Variants in ARHGAP15 observed in about 807,000 individuals in gnomAD.
ARHGAP15 encodes the protein Rho GTPase activating protein 15.
In ARHGAP15, 51 loss-of-function variants were observed where a neutral mutation model predicts 63.7. The observed-to-expected ratio is 0.80, with a 90% CI of 0.64 to 1.01. The LOEUF (loss-of-function observed/expected upper bound fraction) is 1.01. Ranked by LOEUF, ARHGAP15 falls within the 50% of genes least tolerant of loss-of-function variation. ARHGAP15 has a pLI of 0.00. For missense variants in ARHGAP15, 560 were observed against 564.6 expected (o/e 0.99, Z 0.08); for synonymous variants, 191 against 193.8 (o/e 0.99, Z 0.12).
intron 1 of ARHGAP15, among the ~76,000 whole-genome samples, chr2:143,154,888 G>A (rs1246155373): frequency 6.6e-6 from 1 of 151,560 alleles, no homozygotes; most frequent in East Asian, 1.9e-4. Context: ...TTATAAATAC[G>A]ATGTCCAACT....
intron 1 of ARHGAP15, among the ~76,000 whole-genome samples, chr2:143,147,980 A>G (rs1304375690): frequency 6.6e-6 from 1 of 152,034 alleles, no homozygotes; most frequent in Non-Finnish European, 1.5e-5. Context: ...AAGGGGTTAT[A>G]CCTTAAACAA....
intron 2 of ARHGAP15, among the ~76,000 whole-genome samples, chr2:143,172,873 A>C (rs983299954): frequency 6.6e-6 from 1 of 152,112 alleles, no homozygotes. Context: ...GATGTCAACA[A>C]CCAACAGATG....
chr2:143,493,787 C>A (rs1692694588), intron 9 of ARHGAP15, among the ~76,000 whole-genome samples: 1 of 152,254 alleles, frequency 6.6e-6, no homozygotes, highest in Non-Finnish European at 1.5e-5. Context: ...CCATGCCTTC[C>A]CTTCTATTAC....
At chr2:143,341,924 AGAT>A (rs1235292295) in intron 6 of ARHGAP15, among the ~76,000 whole-genome samples, 3 of 152,284 alleles carry the variant, frequency 2.0e-5, no homozygotes, top group Middle Eastern at 3.4e-3. Context: ...GCTTTCAGTT[AGAT>A]GATATAAAAA....
intron 9 of ARHGAP15, among the ~76,000 whole-genome samples, chr2:143,507,299 A>T (rs563465298): frequency 6.6e-6 from 1 of 152,312 alleles, no homozygotes; most frequent in African/African-American, 2.4e-5. Context: ...CTAGTAGACC[A>T]GATACTATTT....
intron 10 of ARHGAP15, among the ~76,000 whole-genome samples, chr2:143,541,932 A>G (rs1231235062): frequency 6.6e-6 from 1 of 152,104 alleles, no homozygotes; most frequent in Non-Finnish European, 1.5e-5. Flanking sequence ...AAGTCTGCAG[A>G]GGTTATTGCT....
chr2:143,166,480 CAA>C (rs1226748240), intron 2 of ARHGAP15, among the ~76,000 whole-genome samples: 2 of 151,960 alleles, frequency 1.3e-5, no homozygotes, highest in Non-Finnish European at 2.9e-5. Flanking sequence ...GGACATAAAC[CAA>C]AAAGTTTCTC....
chr2:143,503,318 G>A (rs574698317), intron 9 of ARHGAP15, among the ~76,000 whole-genome samples: 1 of 152,316 alleles, frequency 6.6e-6, no homozygotes, highest in South Asian at 2.1e-4. Context: ...ATAAGTTGTA[G>A]TGAAAGGGGC....
chr2:143,566,580 C>T (rs1159781330), intron 11 of ARHGAP15, among the ~76,000 whole-genome samples: 1 of 152,142 alleles, frequency 6.6e-6, no homozygotes, highest in Non-Finnish European at 1.5e-5. Flanking sequence ...CCTCCTCTCT[C>T]TCTGACCTCA....
At chr2:143,637,077 C>T (rs557650628) in intron 12 of ARHGAP15, among the ~76,000 whole-genome samples, 2 of 148,696 alleles carry the variant, frequency 1.3e-5, no homozygotes, top group East Asian at 3.9e-4. Context: ...GAGAGCCCCA[C>T]CCTCATGACC....
At chr2:143,272,608 G>A (rs192490264) in intron 6 of ARHGAP15, among the ~76,000 whole-genome samples, 2 of 152,242 alleles carry the variant, frequency 1.3e-5, no homozygotes, top group African/African-American at 4.8e-5. Context: ...AGCCGAAATT[G>A]CGCCACTGCA....
intron 12 of ARHGAP15, among the ~76,000 whole-genome samples, chr2:143,637,382 CTCAGA>C (rs1344055714): frequency 1.3e-5 from 2 of 152,016 alleles, no homozygotes; most frequent in African/African-American, 2.4e-5. Context: ...CATTTTCTCT[CTCAGA>C]TAAGTTTGTA....
At chr2:143,260,282 A>C (rs1248503420) in intron 6 of ARHGAP15, among the ~76,000 whole-genome samples, 1 of 152,186 alleles carries the variant, frequency 6.6e-6, no homozygotes, top group Admixed American at 6.6e-5. Context: ...ACTCATTCTT[A>C]ACAAGAACCA....
At chr2:143,474,360 A>C (rs1052295528) in intron 8 of ARHGAP15, among the ~76,000 whole-genome samples, 1 of 152,210 alleles carries the variant, frequency 6.6e-6, no homozygotes, top group Admixed American at 6.5e-5. Flanking sequence ...TATGCATACA[A>C]ATTTAAATAT....
chr2:143,436,951 A>T lies in ARHGAP15; in HGVS notation c.612A>T (p.Leu204Phe), dbSNP rs767566594. The T allele has an allele frequency of 1.2e-6, 2 of 1,612,022 alleles. No individual in the cohort carries two copies. Among genetic ancestry groups the T allele is most frequent in the Non-Finnish European group, 1.7e-6 (2 of 1,179,306 alleles). Residue 204 changes from leucine to phenylalanine, a missense_variant, in exon 8 of 14, where the codon TTA (leucine) becomes TTT (phenylalanine). Leu to Phe is a conservative substitution (Grantham distance 22). Transcript: ENST00000295095. ...GTTGTCCATCAAGAAACCTGGAATT[A>T]TTCAAAATCCAAAGATCCTCTAGCA... Reference protein sequence around the residue: ...DSSCPSRNLELFKIQRSSSTE... With the variant: ...DSSCPSRNLEFFKIQRSSSTE...
intron 6 of ARHGAP15, among the ~76,000 whole-genome samples, chr2:143,319,383 C>G (rs1321299802): frequency 6.6e-6 from 1 of 151,970 alleles, no homozygotes; most frequent in East Asian, 1.9e-4. Flanking sequence ...CATCACCATG[C>G]CTGGCTAATT....
At chr2:143,152,287 C>G (rs1287265431) in intron 1 of ARHGAP15, among the ~76,000 whole-genome samples, 13 of 151,994 alleles carry the variant, frequency 8.6e-5, no homozygotes. Flanking sequence ...TATGTCAATA[C>G]CTACCTTATA....
At chr2:143,631,514 A>C (rs904263064) in intron 12 of ARHGAP15, among the ~76,000 whole-genome samples, 1 of 152,070 alleles carries the variant, frequency 6.6e-6, no homozygotes. Context: ...AATTTTAGCC[A>C]TTCTATGTGT....
At chr2:143,527,991 G>A (rs1694354962) in intron 10 of ARHGAP15, among the ~76,000 whole-genome samples, 1 of 151,956 alleles carries the variant, frequency 6.6e-6, no homozygotes, top group South Asian at 2.1e-4. Flanking sequence ...TGTTCAATAA[G>A]GTACCATTCT....
Sources: gnomAD v4.1 joint callset for allele counts (sites outside exome capture counted in the v4.1 genomes callset) on GRCh38, gnomAD v4.1.1 for gene constraint, MANE v1.5 for transcripts, NCBI Gene and HGNC (gene_info 2026-07-23, HGNC 2026-07-21) for gene names.